The following UGP2 variants were observed in gnomAD, a reference collection of about 807,000 sequenced individuals.
UGP2 encodes the protein UTP--glucose-1-phosphate uridylyltransferase.
Under a neutral mutation model 49.0 loss-of-function variants are expected in UGP2, and 40 were observed. The observed-to-expected ratio is 0.82, with a 90% CI of 0.63 to 1.06. The LOEUF (loss-of-function observed/expected upper bound fraction) is 1.06, where lower values mean the gene tolerates loss of function less well. Among genes scored for constraint, UGP2 ranks in the 50% least tolerant of loss-of-function variants. UGP2 has a pLI of 0.00. For missense variants in UGP2, 460 were observed against 603.5 expected, an observed-to-expected ratio of 0.76 and a Z score of 2.49; for synonymous variants, 225 against 213.0, an observed-to-expected ratio of 1.06 and a Z score of -0.49.
In UGP2 at chr2:63,847,251, G is replaced by A. The variant is rs185795078; in HGVS notation, c.19+5047G>A. ...ATTCAGGTGTTATTTTAGTCCATAG[G>A]TATTTTCTTGTAATATGTTTCACAG... is the stretch of plus-strand genomic sequence containing the variant. On this transcript the variant is annotated intron_variant, in intron 1 of 9. Coordinates refer to ENST00000337130, the MANE Select transcript of UGP2 (RefSeq NM_006759.4). Among the ~76,000 whole-genome samples the A allele has an allele frequency of 2.0e-5, 3 of 152,164 alleles. No homozygotes were observed. The East Asian group carries it at 5.8e-4, about 29-fold the overall frequency.
chr2:63,856,022 G>A lies in UGP2; in HGVS notation c.20-284G>A, dbSNP rs1669392577. On this transcript the variant is annotated intron_variant, in intron 1 of 9. Coordinates refer to ENST00000337130, the MANE Select transcript of UGP2 (RefSeq NM_006759.4). ...ATTGGGAACCAGAAGATGGCAGGCA[G>A]CCCTATGCCCTTCTCCTTTTAAAAT... 5 of 276,650 alleles carry A rather than the reference G, an allele frequency of 1.8e-5. No individual in the cohort carries two copies. In the South Asian group the frequency reaches 2.6e-4, roughly 14 times the overall value. The allele number at this position is 276,650 out of a possible 1,614,324, so 17.1% of individuals were successfully genotyped here.
intron 4 of UGP2, among the ~76,000 whole-genome samples, chr2:63,883,543 C>T (rs569677935): frequency 3.9e-5 from 6 of 152,264 alleles, no homozygotes; most frequent in African/African-American, 1.4e-4. Flanking sequence ...ATACTTTCAT[C>T]CCTACAGAGA....
chr2:63,875,678 T>C (rs1222166513), intron 3 of UGP2, among the ~76,000 whole-genome samples: 1 of 152,224 alleles, frequency 6.6e-6, no homozygotes, highest in Non-Finnish European at 1.5e-5. Context: ...CAGAGGATGT[T>C]AGCTATTTGG....
chr2:63,858,279 C>T (rs1221545523), intron 3 of UGP2, among the ~76,000 whole-genome samples: 1 of 152,188 alleles, frequency 6.6e-6, no homozygotes, highest in Non-Finnish European at 1.5e-5. Flanking sequence ...TTTGATTTCT[C>T]ATTGCCCGTA....
Position 63,891,012 on chromosome 2 carries a change from G to C in UGP2, c.1420-108G>C, listed in dbSNP as rs1028099149. On this transcript the variant is annotated intron_variant, in intron 9 of 9. Transcript: ENST00000337130. ...ATGTTTAATATTGTTTATAAAAAAA[G>C]TTACTTCACTGTAAAAAAAAAAAAG... is the stretch of plus-strand genomic sequence containing the variant. The C allele has an allele frequency of 4.6e-5, 34 of 736,482 alleles. No homozygotes were observed. In the African/African-American group the frequency reaches 6.3e-4, roughly 14 times the overall value. The allele number at this position is 736,482 out of a possible 1,614,324, so 45.6% of individuals were successfully genotyped here. A position where few individuals can be genotyped will look rare whatever the true frequency, so the allele number is the denominator to read the frequency against.
At chr2:63,879,979 A>G (rs1360070645) in intron 3 of UGP2, among the ~76,000 whole-genome samples, 1 of 152,236 alleles carries the variant, frequency 6.6e-6, no homozygotes, top group Admixed American at 6.5e-5. Flanking sequence ...CTCTGTAAAT[A>G]TTAGGTCCTT....
intron 1 of UGP2, among the ~76,000 whole-genome samples, chr2:63,846,412 G>A (rs536044113): frequency 3.3e-5 from 5 of 149,972 alleles, no homozygotes; most frequent in Non-Finnish European, 7.4e-5. Flanking sequence ...TATAATGGAT[G>A]CTAATGCTCT....
At chr2:63,890,285 C>T in intron 9 of UGP2, 100 bp downstream of exon 9, 2 of 762,788 alleles carry the variant, frequency 2.6e-6, no homozygotes, top group South Asian at 4.0e-5. Flanking sequence ...ACTTGTTAGT[C>T]TTAGTGCCAC....
At chr2:63,867,417 C>T (rs1670257419) in intron 3 of UGP2, among the ~76,000 whole-genome samples, 1 of 152,132 alleles carries the variant, frequency 6.6e-6, no homozygotes, top group Non-Finnish European at 1.5e-5. Context: ...AAAGAACCTA[C>T]TTTATAGGAT....
chr2:63,874,026 C>T (rs1670743096), intron 3 of UGP2, among the ~76,000 whole-genome samples: 3 of 152,220 alleles, frequency 2.0e-5, no homozygotes, highest in Admixed American at 2.0e-4. Context: ...TGCCCTTTCA[C>T]AGAGACTTCC....
At chr2:63,865,190 C>T (rs1322276119) in intron 3 of UGP2, among the ~76,000 whole-genome samples, 1 of 152,180 alleles carries the variant, frequency 6.6e-6, no homozygotes, top group Non-Finnish European at 1.5e-5. Flanking sequence ...AAGACAGTCA[C>T]TCCCCTCAAA....
chr2:63,861,993 T>C (rs763506062), intron 3 of UGP2, among the ~76,000 whole-genome samples: 16 of 152,118 alleles, frequency 1.1e-4, no homozygotes, highest in Non-Finnish European at 2.2e-4. Context: ...ATAGCATTTT[T>C]TTTTCTGAAG....
chr2:63,873,636 A>G (rs1237105071), intron 3 of UGP2, among the ~76,000 whole-genome samples: 3 of 152,130 alleles, frequency 2.0e-5, no homozygotes, highest in Non-Finnish European at 4.4e-5. Context: ...ATGAGAGGAA[A>G]AAGCGCAAGG....
chr2:63,886,756 G>A (rs1438616839), intron 7 of UGP2, among the ~76,000 whole-genome samples: 2 of 152,122 alleles, frequency 1.3e-5, no homozygotes, highest in African/African-American at 4.8e-5. Context: ...GGTTGTGGTA[G>A]TGGCAAAAAC....
chr2:63,878,752 G>A (rs1307655797), intron 3 of UGP2, among the ~76,000 whole-genome samples: 1 of 151,990 alleles, frequency 6.6e-6, no homozygotes, highest in African/African-American at 2.4e-5. Context: ...TTTTTGTAGA[G>A]GCAAGGTCTC....
intron 1 of UGP2, among the ~76,000 whole-genome samples, chr2:63,852,669 C>T (rs1307624718): frequency 6.6e-6 from 1 of 152,160 alleles, no homozygotes; most frequent in Non-Finnish European, 1.5e-5. Flanking sequence ...AGTTAGAAAG[C>T]TGTTGTCATG....
intron 8 of UGP2, chr2:63,888,491 T>TA (rs1256909590): frequency 6.6e-6 from 1 of 152,208 alleles, no homozygotes; most frequent in African/African-American, 2.4e-5. Context: ...CATTGATTAA[T>TA]AAAAACAAGA....
At chr2:63,856,916 C>G (rs1293050757) in intron 2 of UGP2, 5 of 426,590 alleles carry the variant, frequency 1.2e-5, no homozygotes, top group Non-Finnish European at 2.3e-5. Context: ...TCAATTTATA[C>G]TTAATGTTTT....
At chr2:63,889,358 A>C (rs552485244) in intron 8 of UGP2, 1 of 152,208 alleles carries the variant, frequency 6.6e-6, no homozygotes, top group African/African-American at 2.4e-5. Context: ...GGAGGGAAAA[A>C]AGACTGAAGA....
Sources: gnomAD v4.1 joint callset for allele counts (sites outside exome capture counted in the v4.1 genomes callset) on GRCh38, gnomAD v4.1.1 for gene constraint, MANE v1.5 for transcripts, NCBI Gene and HGNC (gene_info 2026-07-23, HGNC 2026-07-21) for gene names.